Variants in RIC8B observed in about 807,000 individuals in gnomAD.
RIC8B encodes RIC8 guanine nucleotide exchange factor B.
Under a neutral mutation model 57.5 loss-of-function variants are expected in RIC8B, and 16 were observed. That is an observed-to-expected ratio of 0.28 (90% CI 0.19 to 0.42). RIC8B has a LOEUF of 0.42. Among genes scored for constraint, RIC8B ranks in the 10% least tolerant of loss-of-function variants. The pLI, the probability that RIC8B is intolerant of heterozygous loss-of-function variation, is 1.00. For missense variants in RIC8B, 481 were observed against 677.0 expected (o/e 0.71, Z 3.21); for synonymous variants, 216 against 250.8 (o/e 0.86, Z 1.31).
intron 1 of RIC8B, 188 bp downstream of exon 1, chr12:106,775,017 C>A: frequency 1.7e-6 from 1 of 581,662 alleles, no homozygotes; most frequent in South Asian, 2.1e-5. Flanking sequence ...CATCCCACTA[C>A]CCCCACTGTA....
At chr12:106,871,252 T>A (rs1950390101) in intron 9 of RIC8B, 1 of 201,150 alleles carries the variant, frequency 5.0e-6, no homozygotes, top group African/African-American at 2.3e-5. Context: ...GTGATTTTGC[T>A]GCTGCTTGTA....
At chr12:106,809,683 G>A (rs935049831) in intron 2 of RIC8B, among the ~76,000 whole-genome samples, 3 of 147,304 alleles carry the variant, frequency 2.0e-5, no homozygotes, top group African/African-American at 7.5e-5. Flanking sequence ...TCCAAAATTT[G>A]AAACAAAAAA....
intron 4 of RIC8B, among the ~76,000 whole-genome samples, chr12:106,838,611 T>C (rs1351640983): frequency 2.7e-5 from 4 of 149,720 alleles, no homozygotes; most frequent in Non-Finnish European, 1.5e-5. Flanking sequence ...CTTACGGACA[T>C]TGGTCTTGGC....
intron 2 of RIC8B, among the ~76,000 whole-genome samples, chr12:106,802,986 G>T (rs574592785): frequency 1.3e-5 from 2 of 152,142 alleles, no homozygotes; most frequent in South Asian, 4.1e-4. Flanking sequence ...AAGGTGAGGG[G>T]ATTGCTTAAT....
At chr12:106,775,776 T>A (rs1436837076) in intron 1 of RIC8B, among the ~76,000 whole-genome samples, 2 of 152,250 alleles carry the variant, frequency 1.3e-5, no homozygotes, top group Non-Finnish European at 2.9e-5. Flanking sequence ...ATCCTTTGGT[T>A]TAGAAGACTG....
intron 8 of RIC8B, chr12:106,868,250 A>C: frequency 2.2e-6 from 1 of 455,924 alleles, no homozygotes; most frequent in Non-Finnish European, 4.4e-6. Context: ...CATGTGTGCA[A>C]ATGTCATTAT....
At chr12:106,861,872 A>G (rs755471403) in intron 8 of RIC8B, among the ~76,000 whole-genome samples, 4 of 152,142 alleles carry the variant, frequency 2.6e-5, no homozygotes, top group African/African-American at 4.8e-5. Flanking sequence ...TTCAACTATG[A>G]TAGAAAACTC....
chr12:106,818,865 C>G (rs975049575), intron 3 of RIC8B, among the ~76,000 whole-genome samples: 1 of 152,096 alleles, frequency 6.6e-6, no homozygotes, highest in Admixed American at 6.5e-5. Context: ...CTCCTGGGTT[C>G]AAGTGATTTT....
At chr12:106,789,160 C>T (rs1380465694) in intron 2 of RIC8B, among the ~76,000 whole-genome samples, 1 of 152,212 alleles carries the variant, frequency 6.6e-6, no homozygotes, top group Non-Finnish European at 1.5e-5. Flanking sequence ...TAAAACATGA[C>T]AAGAGTCACC....
In RIC8B at chr12:106,847,201, G is replaced by A. The variant is rs575466267; in HGVS notation, c.1161+3254G>A. 2.6e-5 allele frequency among the ~76,000 whole-genome samples: 4 copies of A among 152,156 alleles called. No homozygotes were observed. In the East Asian group the frequency reaches 7.7e-4, roughly 29 times the overall value. ...ATTTGGGGGATTTGAAAAAGAAACT[G>A]GACAAGATTTGTCAAAGAAAAAATT... On this transcript the variant is annotated intron_variant, in intron 6 of 9. Transcript: ENST00000392837.
chr12:106,789,545 G>A lies in RIC8B; in HGVS notation c.132+5501G>A, dbSNP rs556262598. On this transcript the variant is annotated intron_variant, in intron 2 of 9. Coordinates refer to ENST00000392837, the MANE Select transcript of RIC8B (RefSeq NM_001330145.2). ...AGGCCTCAAAATTATGGTGGGAGGC[G>A]AAAGGTACTTCTTACATGGTGGTGG... Among the ~76,000 whole-genome samples, 10 of 152,194 alleles carry A rather than the reference G, an allele frequency of 6.6e-5. 1 individual carries two copies. In the South Asian group the frequency reaches 1.5e-3, roughly 22 times the overall value.
chr12:106,869,517 G>A (rs1391141870), intron 8 of RIC8B, among the ~76,000 whole-genome samples: 2 of 151,822 alleles, frequency 1.3e-5, no homozygotes, highest in South Asian at 2.1e-4. Context: ...TCCACATTGT[G>A]TATATTTGAC....
intron 3 of RIC8B, chr12:106,823,172 T>TG: frequency 4.1e-6 from 1 of 242,236 alleles, no homozygotes; most frequent in Non-Finnish European, 8.5e-6. Flanking sequence ...AGGTAGTAGA[T>TG]TAGTGGAGGA....
At position 106,879,606 on chromosome 12, in the gene RIC8B, A is replaced by T. The variant is rs1950833313; in HGVS notation, c.1572-6298A>T. The T allele has an allele frequency of 1.0e-6, 1 of 985,306 alleles. No individual in the cohort carries two copies. Among genetic ancestry groups the T allele is most frequent in the Non-Finnish European group, 1.2e-6 (1 of 829,882 alleles). 61.0% of individuals were successfully genotyped at this position (985,306 alleles called of 1,614,324 possible). On this transcript the variant is annotated intron_variant, in intron 9 of 9. Coordinates refer to ENST00000392837, the MANE Select transcript of RIC8B (RefSeq NM_001330145.2). The surrounding 1 kb of genome is among the most constrained non-coding windows in gnomAD (Gnocchi z 4.9). Reference sequence around the variant, plus strand: ...ATCTCCCATCCCTAGCTCTTTAAGAAATTATTTTTTTGGTTTCCATTAGCA... The same window carrying T: ...ATCTCCCATCCCTAGCTCTTTAAGATATTATTTTTTTGGTTTCCATTAGCA...
chr12:106,774,875 G>A, intron 1 of RIC8B, 46 bp downstream of exon 1: 1 of 1,414,012 alleles, frequency 7.1e-7, no homozygotes, highest in Non-Finnish European at 9.6e-7. Context: ...CCCCCGGGCC[G>A]CCCTCCGTGC....
At chr12:106,860,476 T>G in intron 8 of RIC8B, 64 bp downstream of exon 8, 1 of 1,195,754 alleles carries the variant, frequency 8.4e-7, no homozygotes, top group Non-Finnish European at 1.1e-6. Context: ...ATTTCCTTTG[T>G]CTTTCATTTT....
chr12:106,813,569 A>G (rs2045436612), intron 2 of RIC8B, among the ~76,000 whole-genome samples: 1 of 152,208 alleles, frequency 6.6e-6, no homozygotes, highest in Non-Finnish European at 1.5e-5. Flanking sequence ...AATCCCACAC[A>G]GATACCAAGG....
chr12:106,858,834 G>A (rs949717268), intron 7 of RIC8B, among the ~76,000 whole-genome samples: 4 of 151,976 alleles, frequency 2.6e-5, no homozygotes, highest in Admixed American at 6.6e-5. Context: ...TTTCGGTGTC[G>A]TGAGAAGGAC....
At chr12:106,805,708 T>C (rs2044980898) in intron 2 of RIC8B, among the ~76,000 whole-genome samples, 1 of 152,232 alleles carries the variant, frequency 6.6e-6, no homozygotes. Context: ...TGCTTAATAC[T>C]CTGCAGTAAG....
Sources: gnomAD v4.1 joint callset for allele counts (sites outside exome capture counted in the v4.1 genomes callset) on GRCh38, gnomAD v4.1.1 for gene constraint, Gnocchi (gnomAD v3.1) non-coding constraint, MANE v1.5 for transcripts, NCBI Gene and HGNC (gene_info 2026-07-23, HGNC 2026-07-21) for gene names.